The following BCAS1 variants were observed in gnomAD, a reference collection of about 807,000 sequenced individuals.
The protein encoded by BCAS1 is brain enriched myelin associated protein 1.
In BCAS1, 46 loss-of-function variants were observed where a neutral mutation model predicts 65.4. The ratio of observed to expected loss-of-function variants is 0.70; its 90% CI spans 0.55 to 0.90. The LOEUF (loss-of-function observed/expected upper bound fraction) is 0.90. Among genes scored for constraint, BCAS1 ranks in the 40% least tolerant of loss-of-function variants. The pLI is 0.00. For missense variants in BCAS1, 793 were observed against 771.2 expected, an observed-to-expected ratio of 1.03 and a Z score of -0.33; for synonymous variants, 298 against 293.5, an observed-to-expected ratio of 1.02 and a Z score of -0.16.
intron 3 of BCAS1, among the ~76,000 whole-genome samples, chr20:54,052,854 A>C (rs2092240737): frequency 6.6e-6 from 1 of 152,244 alleles, no homozygotes; most frequent in South Asian, 2.1e-4. Context: ...ATAGCAGTAC[A>C]AACAGATTAC....
At chr20:53,983,806 C>A (rs1248038811) in intron 8 of BCAS1, among the ~76,000 whole-genome samples, 1 of 152,162 alleles carries the variant, frequency 6.6e-6, no homozygotes, top group African/African-American at 2.4e-5. Flanking sequence ...TCTCCACCCA[C>A]TTCTCCTTCC....
At chr20:54,018,569 C>CTCG (rs1291459126) in intron 4 of BCAS1, among the ~76,000 whole-genome samples, 1 of 152,090 alleles carries the variant, frequency 6.6e-6, no homozygotes, top group Non-Finnish European at 1.5e-5. Flanking sequence ...ATCTCCTGAC[C>CTCG]TCGTGATCCA....
chr20:54,019,710 C>G (rs1444896967), intron 4 of BCAS1, among the ~76,000 whole-genome samples: 1 of 152,198 alleles, frequency 6.6e-6, no homozygotes, highest in Non-Finnish European at 1.5e-5. Flanking sequence ...GTGGGATAAG[C>G]TGGGTTGCTG....
At chr20:54,069,568 G>A (rs1302397879) in intron 1 of BCAS1, among the ~76,000 whole-genome samples, 1 of 152,192 alleles carries the variant, frequency 6.6e-6, no homozygotes, top group Non-Finnish European at 1.5e-5. Context: ...GGAACCAGAT[G>A]CAGCTCCCTC....
chr20:53,953,313 G>A, intron 12 of BCAS1, 119 bp downstream of exon 12: 2 of 1,294,610 alleles, frequency 1.5e-6, no homozygotes, highest in Non-Finnish European at 2.1e-6. Flanking sequence ...AAAACCCTGA[G>A]TGATAGACCC....
chr20:53,953,726 A>C (rs2089606475), intron 11 of BCAS1, 31 bp from the exon 12 acceptor site: 5 of 1,600,324 alleles, frequency 3.1e-6, no homozygotes, highest in Non-Finnish European at 4.3e-6. Flanking sequence ...GTACATTTTT[A>C]GTGGCTGCAG....
chr20:53,967,611 GA>G (rs2090069432), intron 9 of BCAS1, among the ~76,000 whole-genome samples: 1 of 152,162 alleles, frequency 6.6e-6, no homozygotes, highest in Non-Finnish European at 1.5e-5. Flanking sequence ...TTTTTCCCTA[GA>G]ACAGTCATTT....
At chr20:54,011,367 A>G (rs2091315845) in intron 4 of BCAS1, among the ~76,000 whole-genome samples, 1 of 150,698 alleles carries the variant, frequency 6.6e-6, no homozygotes, top group African/African-American at 2.4e-5. Flanking sequence ...CATTTAAAAG[A>G]AAAAAATTCT....
At chr20:53,964,594 T>C (rs567103732) in intron 10 of BCAS1, among the ~76,000 whole-genome samples, 2 of 152,186 alleles carry the variant, frequency 1.3e-5, no homozygotes, top group Non-Finnish European at 2.9e-5. Context: ...CCTACCTTCA[T>C]CCCTATCCTA....
In BCAS1 at chr20:53,987,378, TAA is replaced by T. The variant is rs796434874; in HGVS notation, c.1063-1881_1063-1880del. Among the ~76,000 whole-genome samples the T allele has an allele frequency of 1.2e-4, 18 of 152,338 alleles. 1 individual carries two copies. The highest frequency in any genetic ancestry group is 4.3e-4 in the African/African-American group (18 of 41,582). ...AGTGAAGTCAAAATGGCTGAGCTCA[TAA>T]GATTCTGCATTACAAACGTCCCAAA... is the stretch of plus-strand genomic sequence containing the variant. On this transcript the variant is annotated intron_variant, in intron 7 of 12. Coordinates refer to ENST00000688948, the MANE Select transcript of BCAS1 (RefSeq NM_001366298.2).
intron 3 of BCAS1, among the ~76,000 whole-genome samples, chr20:54,056,310 G>T (rs457299): frequency 0.021 from 3,246 of 152,186 alleles, 84 homozygotes; most frequent in East Asian, 0.099. Flanking sequence ...TTGCAGCAAC[G>T]TGGATGGAAC....
chr20:54,043,515 T>G (rs1289981783), intron 3 of BCAS1, among the ~76,000 whole-genome samples: 1 of 152,172 alleles, frequency 6.6e-6, no homozygotes, highest in Non-Finnish European at 1.5e-5. Flanking sequence ...TGAAATATCT[T>G]ATTATTGGCT....
intron 10 of BCAS1, among the ~76,000 whole-genome samples, chr20:53,961,440 C>G (rs1455198812): frequency 6.6e-6 from 1 of 152,220 alleles, no homozygotes; most frequent in Non-Finnish European, 1.5e-5. Context: ...TATTTTACCA[C>G]AATGCTCACT....
At chr20:54,062,785 G>A (rs1416621064) in intron 1 of BCAS1, among the ~76,000 whole-genome samples, 1 of 152,206 alleles carries the variant, frequency 6.6e-6, no homozygotes, top group Non-Finnish European at 1.5e-5. Flanking sequence ...AAAATCTAAT[G>A]GCGTGTCTTT....
intron 1 of BCAS1, among the ~76,000 whole-genome samples, chr20:54,065,131 T>C (rs1169523900): frequency 7.1e-6 from 1 of 141,318 alleles, no homozygotes; most frequent in Non-Finnish European, 1.6e-5. Context: ...TATCTATCTA[T>C]CTATCTATCT....
chr20:53,993,279 G>C (rs1167722999), intron 6 of BCAS1, among the ~76,000 whole-genome samples: 1 of 152,218 alleles, frequency 6.6e-6, no homozygotes, highest in African/African-American at 2.4e-5. Flanking sequence ...CAAGATTGTT[G>C]GCTCAAGTTA....
At chr20:53,958,291 T>C (rs2089765745) in intron 10 of BCAS1, among the ~76,000 whole-genome samples, 1 of 152,212 alleles carries the variant, frequency 6.6e-6, no homozygotes, top group Admixed American at 6.5e-5. Flanking sequence ...CATTTAGTAA[T>C]GTCCTATGCT....
At chr20:53,970,017 G>A (rs533433432) in intron 9 of BCAS1, among the ~76,000 whole-genome samples, 10 of 152,268 alleles carry the variant, frequency 6.6e-5, no homozygotes, top group African/African-American at 2.4e-4. Flanking sequence ...TGGAGAAATA[G>A]AAAATAGCTC....
chr20:54,020,395 A>C (rs2091531017), intron 4 of BCAS1, among the ~76,000 whole-genome samples: 1 of 152,254 alleles, frequency 6.6e-6, no homozygotes, highest in Admixed American at 6.5e-5. Context: ...GACCAAATTT[A>C]AAATACCAAG....
Sources: allele counts gnomAD v4.1 joint callset (sites outside exome capture counted in the v4.1 genomes callset), GRCh38; gene constraint gnomAD v4.1.1; transcripts MANE v1.5; gene names NCBI Gene and HGNC (gene_info 2026-07-23, HGNC 2026-07-21).